Variants in HOMER1 observed in about 807,000 individuals in gnomAD.
HOMER1 encodes homer protein homolog 1.
A neutral mutation model predicts 48.9 loss-of-function variants in HOMER1; 3 were observed. That is an observed-to-expected ratio of 0.06 (90% CI 0.03 to 0.16). HOMER1 has a LOEUF of 0.16. HOMER1 is among the 10% of genes least tolerant of loss of function. HOMER1 has a pLI of 1.00. For synonymous variants in HOMER1, 134 were observed against 146.4 expected (o/e 0.92, Z 0.61); for missense variants, 247 against 411.4 (o/e 0.60, Z 3.46).
At chr5:79,448,406 T>G (rs1159804582) in intron 3 of HOMER1, among the ~76,000 whole-genome samples, 1 of 152,210 alleles carries the variant, frequency 6.6e-6, no homozygotes, top group Non-Finnish European at 1.5e-5. Flanking sequence ...ATTGCTAATT[T>G]GTATATCCTT....
chr5:79,458,233 A>T (rs774207780), intron 1 of HOMER1, among the ~76,000 whole-genome samples: 2 of 152,140 alleles, frequency 1.3e-5, no homozygotes, highest in Non-Finnish European at 2.9e-5. Flanking sequence ...CGTAATTCAA[A>T]AATTTCCAAG....
intron 4 of HOMER1, among the ~76,000 whole-genome samples, chr5:79,446,203 C>T (rs1326647411): frequency 6.6e-6 from 1 of 152,176 alleles, no homozygotes; most frequent in East Asian, 1.9e-4. Flanking sequence ...ATTCCTCTAA[C>T]TTAATCCATC....
At chr5:79,510,885 G>A in intron 1 of HOMER1, 2 of 685,316 alleles carry the variant, frequency 2.9e-6, no homozygotes, top group Non-Finnish European at 5.2e-6. Context: ...CCCCTACAGA[G>A]GCTTCAGAGT....
chr5:79,379,105 TATATATATAAAATATATAA>T (rs1409561866), intron 8 of HOMER1, among the ~76,000 whole-genome samples: 1 of 59,498 alleles, frequency 1.7e-5, no homozygotes, highest in African/African-American at 1.1e-4. Flanking sequence ...TATATATATA[TATATATATAAAATATATAA>T]ATATTTATTT....
chr5:79,414,465 G>T (rs773489087), intron 5 of HOMER1, among the ~76,000 whole-genome samples: 1 of 151,786 alleles, frequency 6.6e-6, no homozygotes, highest in South Asian at 2.1e-4. Context: ...CTGCAACTCT[G>T]AACTCCTGGG....
intron 1 of HOMER1, among the ~76,000 whole-genome samples, chr5:79,459,913 TAGAATGAAAAAATAG>T (rs1483884272): frequency 1.3e-5 from 2 of 152,120 alleles, no homozygotes; most frequent in Non-Finnish European, 2.9e-5. Flanking sequence ...AGAATGAGGC[TAGAATGAAAAAATAG>T]AGAATGAAAA....
intron 1 of HOMER1, among the ~76,000 whole-genome samples, chr5:79,483,079 G>A (rs920535105): frequency 9.9e-5 from 15 of 151,114 alleles, no homozygotes; most frequent in Admixed American, 3.3e-4. Context: ...GATCTGAGAA[G>A]TTCAACAAAC....
chr5:79,420,654 A>G (rs1391038028), intron 5 of HOMER1, among the ~76,000 whole-genome samples: 2 of 152,190 alleles, frequency 1.3e-5, no homozygotes, highest in Non-Finnish European at 2.9e-5. Context: ...ATATTTGTTA[A>G]AACTGTAAAG....
At chr5:79,491,438 CAAAAAAAAAAA>C (rs56778843) in intron 1 of HOMER1, among the ~76,000 whole-genome samples, 6 of 57,710 alleles carry the variant, frequency 1.0e-4, no homozygotes, top group Admixed American at 2.4e-4. Flanking sequence ...GACCTTGTCT[CAAAAAAAAAAA>C]AAAAAAAAAA....
At chr5:79,485,687 A>C (rs1440875348) in intron 1 of HOMER1, among the ~76,000 whole-genome samples, 1 of 152,224 alleles carries the variant, frequency 6.6e-6, no homozygotes, top group Non-Finnish European at 1.5e-5. Flanking sequence ...AGCTATGAGA[A>C]AGAGAGCAAA....
At chr5:79,486,077 T>C (rs1450050091) in intron 1 of HOMER1, among the ~76,000 whole-genome samples, 1 of 152,148 alleles carries the variant, frequency 6.6e-6, no homozygotes, top group African/African-American at 2.4e-5. Flanking sequence ...AAGCAGCCTG[T>C]GGAGAGGAAT....
At chr5:79,433,364 C>G (rs1297023778) in intron 5 of HOMER1, among the ~76,000 whole-genome samples, 2 of 152,118 alleles carry the variant, frequency 1.3e-5, no homozygotes, top group Non-Finnish European at 2.9e-5. Flanking sequence ...AGTTCGACCT[C>G]AGTCACCAGC....
At position 79,510,921 on chromosome 5, in the gene HOMER1, G is replaced by T. The variant is rs1450284345; in HGVS notation, c.5+1849C>A. 4.8e-6 allele frequency: 3 copies of T among 622,694 alleles called. No individual in the cohort carries two copies. In the East Asian group the frequency reaches 7.7e-5, roughly 16 times the overall value. The allele number at this position is 622,694 out of a possible 1,614,324, so 38.6% of individuals were successfully genotyped here. A position where few individuals can be genotyped will look rare whatever the true frequency, so the allele number is the denominator to read the frequency against. ...AGATATCTCTATCTGCCAACGTGAGGACAGGACTGGTGCGACCCCCCGCCA... is the reference window on the plus strand; with the variant it reads ...AGATATCTCTATCTGCCAACGTGAGTACAGGACTGGTGCGACCCCCCGCCA... On this transcript the variant is annotated intron_variant, in intron 1 of 8. Transcript: ENST00000334082.
chr5:79,403,433 A>G (rs563884677), intron 5 of HOMER1, among the ~76,000 whole-genome samples: 1 of 152,318 alleles, frequency 6.6e-6, no homozygotes, highest in Non-Finnish European at 1.5e-5. Context: ...GAACCCCCTG[A>G]TATGATGTAC....
Position 79,456,943 on chromosome 5 carries a change from G to A in HOMER1, c.81C>T (p.Thr27=). The A allele has an allele frequency of 1.2e-6, 2 of 1,613,686 alleles. No homozygotes were observed. Among genetic ancestry groups the A allele is most frequent in the Non-Finnish European group, 1.7e-6 (2 of 1,179,652 alleles). ...AAGACACAGTAACTGCATGCTTGCT[G>A]GTGGGTACCCAGTTCTTCTTTGTGT... ...DPNTKKNWVP[T]SKHAVTVSYF... The change falls in exon 2 of 9, where the codon ACC becomes ACT. Residue 27 remains threonine, a synonymous_variant. Coordinates refer to ENST00000334082, the MANE Select transcript of HOMER1 (RefSeq NM_004272.5).
At chr5:79,499,944 C>G (rs557126103) in intron 1 of HOMER1, among the ~76,000 whole-genome samples, 12 of 152,080 alleles carry the variant, frequency 7.9e-5, no homozygotes, top group African/African-American at 2.7e-4. Context: ...AATAACACCA[C>G]GAGACCCATA....
At chr5:79,387,173 C>A (rs1273235734) in intron 8 of HOMER1, among the ~76,000 whole-genome samples, 2 of 151,402 alleles carry the variant, frequency 1.3e-5, no homozygotes, top group Non-Finnish European at 2.9e-5. Flanking sequence ...ATTCTGTCAC[C>A]CAGACGTGCA....
chr5:79,481,370 C>G (rs1751939681), intron 1 of HOMER1, among the ~76,000 whole-genome samples: 1 of 150,996 alleles, frequency 6.6e-6, no homozygotes, highest in African/African-American at 2.4e-5. Context: ...ACCGTGATCT[C>G]TGAGAGGCAG....
rs1753017889 is a variant in HOMER1 at position 79,513,846 on chromosome 5, G to C, written c.-1072C>G. On this transcript the variant is annotated 5_prime_UTR_variant, in exon 1 of 9. Coordinates refer to ENST00000334082, the MANE Select transcript of HOMER1 (RefSeq NM_004272.5). ...AGCCCGCGTTGGGGCCAGGAGAGCT[G>C]GGCTCGAAGCCGAAGCGCAGCCGCC... 1 of 153,394 alleles carries C rather than the reference G, an allele frequency of 6.5e-6. No individual in the cohort carries two copies. Among genetic ancestry groups the C allele is most frequent in the Non-Finnish European group, 1.5e-5 (1 of 68,636 alleles). The allele number at this position is 153,394 out of a possible 1,614,324, so 9.5% of individuals were successfully genotyped here.
Sources: gnomAD v4.1 joint callset for allele counts (sites outside exome capture counted in the v4.1 genomes callset) on GRCh38, gnomAD v4.1.1 for gene constraint, MANE v1.5 for transcripts, NCBI Gene and HGNC (gene_info 2026-07-23, HGNC 2026-07-21) for gene names.